The following NIPAL2 variants were observed in gnomAD, a reference collection of about 807,000 sequenced individuals.
NIPAL2 encodes NIPA like domain containing 2, also known as NIPA-like protein 2.
A neutral mutation model predicts 48.9 loss-of-function variants in NIPAL2; 43 were observed. That is an observed-to-expected ratio of 0.88 (90% confidence interval 0.69 to 1.13). The LOEUF (loss-of-function observed/expected upper bound fraction) is 1.13, where lower values mean the gene tolerates loss of function less well. NIPAL2 is among the 50% of genes most tolerant of loss of function. The pLI, the probability that NIPAL2 is intolerant of heterozygous loss-of-function variation, is 0.00. For synonymous variants in NIPAL2, 167 were observed against 174.6 expected (o/e 0.96, Z 0.34); for missense variants, 446 against 461.4 (o/e 0.97, Z 0.31).
chr8:98,252,579 C>T lies in NIPAL2; in HGVS notation c.260G>A (p.Ser87Asn), dbSNP rs759848486. ...CAGGACACCACCCCACCACAGCACACTCTTGAAGTATGGCCTTGGGTGCTC... is the reference window on the plus strand; with the variant it reads ...CAGGACACCACCCCACCACAGCACATTCTTGAAGTATGGCCTTGGGTGCTC... The part of the protein sequence containing the change: ...QQEHPRPYFK[S>N]VLWWGGVLLM... The change falls in exon 3 of 11, where the codon AGT becomes AAT. Residue 87 changes from serine (S) to asparagine (N), a missense_variant. Physicochemically the swap from Ser to Asn is conservative, Grantham distance 46. Transcript: ENST00000430223. 1.2e-6 allele frequency: 2 copies of T among 1,614,032 alleles called. No individual in the cohort carries two copies. The highest frequency in any genetic ancestry group is 1.7e-6 in the Non-Finnish European group (2 of 1,180,022).
rs139502360 is a variant in NIPAL2 at position 98,209,877 on chromosome 8, A to T, written c.655+2528T>A. On this transcript the variant is annotated intron_variant, in intron 6 of 10. Transcript: ENST00000430223. The stretch of plus-strand genomic sequence containing the variant: ...TATTCCTTAAGGATTTGAAGATATT[A>T]CCTTTGGAACTCTCTAGGCCTGGTT... 5.3e-3 allele frequency among the ~76,000 whole-genome samples: 813 copies of T among 152,228 alleles called. 1 individual carries two copies. Among genetic ancestry groups the T allele is most frequent in the Non-Finnish European group, 6.9e-3 (472 of 68,026 alleles).
At chr8:98,220,481 G>T (rs572993187) in intron 5 of NIPAL2, among the ~76,000 whole-genome samples, 49 of 151,672 alleles carry the variant, frequency 3.2e-4, no homozygotes, top group African/African-American at 1.1e-3. Context: ...TGCAATCATG[G>T]CTCACTGCAA....
chr8:98,245,936 C>T (rs1165735636), intron 3 of NIPAL2, among the ~76,000 whole-genome samples: 2 of 152,210 alleles, frequency 1.3e-5, no homozygotes, highest in East Asian at 3.8e-4. Context: ...TTCTGCATAT[C>T]TTGAACATTA....
intron 9 of NIPAL2, 151 bp downstream of exon 9, chr8:98,195,791 C>A (rs1810514589): frequency 1.8e-6 from 1 of 566,852 alleles, no homozygotes; most frequent in Non-Finnish European, 3.2e-6. Context: ...TGTTTAGGGC[C>A]TTAAGTTAAA....
chr8:98,231,146 C>T (rs1373467511), intron 4 of NIPAL2, among the ~76,000 whole-genome samples: 1 of 151,882 alleles, frequency 6.6e-6, no homozygotes, highest in Non-Finnish European at 1.5e-5. Flanking sequence ...TTGGAAATAC[C>T]CTCCCATAAG....
At chr8:98,240,314 T>A (rs1377752014) in intron 3 of NIPAL2, among the ~76,000 whole-genome samples, 1 of 152,152 alleles carries the variant, frequency 6.6e-6, no homozygotes, top group Non-Finnish European at 1.5e-5. Context: ...TAAAAAGTAC[T>A]TTTTCGGGGG....
chr8:98,193,594 G>A (rs953779899), intron 10 of NIPAL2, among the ~76,000 whole-genome samples: 1 of 152,072 alleles, frequency 6.6e-6, no homozygotes, highest in Non-Finnish European at 1.5e-5. Context: ...CGAGGCAGGC[G>A]AATCATTTGA....
rs1586282269 is a variant in NIPAL2, at chr8:98,194,755, A to C, written c.1012T>G (p.Ser338Ala). Reference protein sequence around the residue: ...RNREKEHLQQSYIDFGNIPGK... With the variant: ...RNREKEHLQQAYIDFGNIPGK... The stretch of plus-strand genomic sequence containing the variant: ...GGAATATTTCCAAAATCAATATAAG[A>C]CTGTTGCAGATGTTCCTTTTCTCGA... The change falls in exon 10 of 11, where the codon TCT becomes GCT. Residue 338 changes from serine to alanine, a missense_variant. By Grantham distance (99) the Ser-to-Ala change is moderately conservative. Coordinates refer to ENST00000430223, the MANE Select transcript of NIPAL2 (RefSeq NM_001321635.2). The C allele has an allele frequency of 6.4e-7, 1 of 1,572,796 alleles. No homozygotes were observed. Among genetic ancestry groups the C allele is most frequent in the East Asian group, 2.3e-5 (1 of 44,010 alleles).
chr8:98,258,410 T>A (rs1456751148), intron 1 of NIPAL2, among the ~76,000 whole-genome samples: 1 of 152,158 alleles, frequency 6.6e-6, no homozygotes, highest in Non-Finnish European at 1.5e-5. Context: ...ACAAAATTGG[T>A]GGTGAAGTAA....
intron 1 of NIPAL2, among the ~76,000 whole-genome samples, chr8:98,278,085 C>T (rs1027993123): frequency 1.3e-5 from 2 of 152,142 alleles, no homozygotes; most frequent in Non-Finnish European, 2.9e-5. Context: ...TTTTACTCAG[C>T]ACTTTGATGT....
chr8:98,225,536 T>G (rs1812129795), intron 4 of NIPAL2, among the ~76,000 whole-genome samples: 1 of 152,228 alleles, frequency 6.6e-6, no homozygotes, highest in Admixed American at 6.5e-5. Flanking sequence ...AATCTGGACA[T>G]GTAAGATCCT....
At chr8:98,250,501 G>A (rs1813532137) in intron 3 of NIPAL2, among the ~76,000 whole-genome samples, 3 of 152,150 alleles carry the variant, frequency 2.0e-5, no homozygotes, top group Non-Finnish European at 4.4e-5. Context: ...GGACTGCCGT[G>A]GGAATACTAT....
At chr8:98,263,683 T>C (rs202117192) in intron 1 of NIPAL2, among the ~76,000 whole-genome samples, 1 of 143,072 alleles carries the variant, frequency 7.0e-6, no homozygotes, top group Non-Finnish European at 1.5e-5. Context: ...GATTCACAGC[T>C]GAATTCTACC....
At chr8:98,226,283 G>A (rs1302336568) in intron 4 of NIPAL2, among the ~76,000 whole-genome samples, 1 of 152,098 alleles carries the variant, frequency 6.6e-6, no homozygotes, top group African/African-American at 2.4e-5. Flanking sequence ...GTGAATGTTT[G>A]TTAGTGTCTG....
intron 1 of NIPAL2, among the ~76,000 whole-genome samples, chr8:98,291,388 T>C (rs1434379338): frequency 6.6e-6 from 1 of 152,184 alleles, no homozygotes; most frequent in Non-Finnish European, 1.5e-5. Context: ...AATGAAACCC[T>C]GTCCATCATT....
At chr8:98,293,959 G>T in intron 1 of NIPAL2, 44 bp downstream of exon 1, 8 of 1,380,770 alleles carry the variant, frequency 5.8e-6, no homozygotes, top group Non-Finnish European at 6.6e-6. Context: ...AGCCGCCCTG[G>T]CCGCGTCCCC....
At chr8:98,205,277 G>C (rs748704722) in intron 6 of NIPAL2, 31 bp from the exon 7 acceptor site, 1 of 1,580,644 alleles carries the variant, frequency 6.3e-7, no homozygotes. Flanking sequence ...CACAAATAAA[G>C]AACATATTTC....
At chr8:98,245,229 C>T (rs558562616) in intron 3 of NIPAL2, among the ~76,000 whole-genome samples, 93 of 152,318 alleles carry the variant, frequency 6.1e-4, no homozygotes, top group Non-Finnish European at 1.0e-3. Flanking sequence ...GTGGACACAT[C>T]GAGCGTGCTC....
intron 1 of NIPAL2, among the ~76,000 whole-genome samples, chr8:98,270,508 C>T (rs1198975817): frequency 1.3e-5 from 2 of 152,040 alleles, no homozygotes; most frequent in African/African-American, 2.4e-5. Flanking sequence ...ATATTCTTTG[C>T]TCACTTTTCA....
Sources: gnomAD v4.1 joint callset for allele counts (sites outside exome capture counted in the v4.1 genomes callset) on GRCh38, gnomAD v4.1.1 for gene constraint, MANE v1.5 for transcripts, NCBI Gene and HGNC (gene_info 2026-07-23, HGNC 2026-07-21) for gene names.